The following OPRD1 variants were observed in gnomAD, a reference collection of about 807,000 sequenced individuals.
OPRD1 encodes opioid receptor delta 1.
In OPRD1, 19 loss-of-function variants were observed where a neutral mutation model predicts 17.5. The ratio of observed to expected loss-of-function variants is 1.09; its 90% CI spans 0.76 to 1.60. The LOEUF is 1.60. Ranked by LOEUF, OPRD1 falls within the 40% of genes most tolerant of loss-of-function variation. OPRD1 has a pLI of 0.00. For synonymous variants in OPRD1, 256 were observed against 240.9 expected (o/e 1.06, Z -0.58); for missense variants, 483 against 547.2 (o/e 0.88, Z 1.17).
intron 1 of OPRD1, among the ~76,000 whole-genome samples, chr1:28,846,805 A>G (rs1026769513): frequency 1.4e-5 from 2 of 148,020 alleles, no homozygotes; most frequent in East Asian, 4.1e-4. Flanking sequence ...GTTGTATCAC[A>G]TGGAGGCTGT....
chr1:28,870,798 G>A lies in OPRD1; in HGVS notation c.*7515G>A, dbSNP rs932553397. ...CTGCGTCATGGGGATGGAGTCCCTT[G>A]GCGTGTGCCGGTGCAAATACACTCC... On this transcript the variant is annotated 3_prime_UTR_variant, in exon 3 of 3. Transcript: ENST00000234961. 2.0e-5 allele frequency: 3 copies of A among 152,262 alleles called. No individual in the cohort carries two copies. Among genetic ancestry groups the A allele is most frequent in the African/African-American group, 7.2e-5 (3 of 41,464 alleles). 9.4% of individuals were successfully genotyped at this position (152,262 alleles called of 1,614,324 possible). A position where few individuals can be genotyped will look rare whatever the true frequency, so the allele number is the denominator to read the frequency against.
intron 2 of OPRD1, among the ~76,000 whole-genome samples, chr1:28,861,186 C>T (rs761136844): frequency 1.4e-4 from 22 of 152,264 alleles, no homozygotes; most frequent in Non-Finnish European, 2.1e-4. Flanking sequence ...GGATCCCCAG[C>T]CCCTTCTCAC....
intron 1 of OPRD1, among the ~76,000 whole-genome samples, chr1:28,816,706 G>A (rs1286005358): frequency 6.6e-6 from 1 of 152,050 alleles, no homozygotes; most frequent in East Asian, 1.9e-4. Context: ...TGTGGGATTG[G>A]CCAGCACGAT....
intron 1 of OPRD1, among the ~76,000 whole-genome samples, chr1:28,820,638 C>A (rs1489354415): frequency 6.6e-6 from 1 of 151,990 alleles, no homozygotes; most frequent in Non-Finnish European, 1.5e-5. Flanking sequence ...CCAGCCCGAA[C>A]AATATGGCAA....
At chr1:28,846,851 TTTCTTTCTTTC>T (rs2088953258) in intron 1 of OPRD1, among the ~76,000 whole-genome samples, 4 of 39,482 alleles carry the variant, frequency 1.0e-4, no homozygotes, top group African/African-American at 3.6e-4. Flanking sequence ...CTTTCTTTTC[TTTCTTTCTTTC>T]TTTCTTTCTT....
intron 1 of OPRD1, among the ~76,000 whole-genome samples, chr1:28,817,026 G>A (rs1569600013): frequency 6.6e-6 from 1 of 152,054 alleles, no homozygotes; most frequent in African/African-American, 2.4e-5. Flanking sequence ...TCTGCGCCCC[G>A]AGCTAGGTTT....
chr1:28,838,127 A>G (rs2088868685), intron 1 of OPRD1, among the ~76,000 whole-genome samples: 1 of 152,196 alleles, frequency 6.6e-6, no homozygotes, highest in South Asian at 2.1e-4. Context: ...CTGAGTCCAC[A>G]TAGCTGCTGA....
At chr1:28,862,381 T>C (rs1430887243) in intron 2 of OPRD1, among the ~76,000 whole-genome samples, 4 of 152,128 alleles carry the variant, frequency 2.6e-5, no homozygotes, top group Non-Finnish European at 4.4e-5. Context: ...CTGTCCCCAA[T>C]GGAGCTAGTT....
In OPRD1 at chr1:28,822,012, C is replaced by T. The variant is rs541352095; in HGVS notation, c.227+9402C>T. ...TGTTGCCCAGGCTGGAGTGCAATGG[C>T]GCAATCTCGGCTCACCACAACCTCC... On this transcript the variant is annotated intron_variant, in intron 1 of 2. Coordinates refer to ENST00000234961, the MANE Select transcript of OPRD1 (RefSeq NM_000911.4). Among the ~76,000 whole-genome samples the T allele has an allele frequency of 5.2e-4, 78 of 150,650 alleles. 1 individual carries two copies. The highest frequency in any genetic ancestry group is 1.8e-3 in the African/African-American group (75 of 40,926).
chr1:28,843,964 T>TAC (rs2124277471), intron 1 of OPRD1, among the ~76,000 whole-genome samples: 1 of 152,286 alleles, frequency 6.6e-6, no homozygotes, highest in South Asian at 2.1e-4. Context: ...AACATGGGTA[T>TAC]ACACACAGCT....
At chr1:28,813,745 T>G (rs1276181393) in intron 1 of OPRD1, among the ~76,000 whole-genome samples, 1 of 152,102 alleles carries the variant, frequency 6.6e-6, no homozygotes, top group Non-Finnish European at 1.5e-5. Flanking sequence ...GCCCTAAACC[T>G]CTCTGGGCTG....
intron 1 of OPRD1, among the ~76,000 whole-genome samples, chr1:28,852,164 T>TAA (rs71030305): frequency 0.024 from 2,047 of 86,704 alleles, 19 homozygotes; most frequent in Non-Finnish European, 0.036. Context: ...AAACTCCATG[T>TAA]AAAAAAAAAA....
rs2089190001 is a variant in OPRD1, at chr1:28,868,063, CAGG to C, written c.*4787_*4789del. On this transcript the variant is annotated 3_prime_UTR_variant, in exon 3 of 3. Transcript: ENST00000234961. The stretch of plus-strand genomic sequence containing the variant: ...GGAAACTGGAGGAGGAGGGCGTTCC[CAGG>C]AGGAGGGAGTGATGGATAATGTCAA... The C allele has an allele frequency of 6.6e-6, 1 of 152,392 alleles. No individual in the cohort carries two copies. Among genetic ancestry groups the C allele is most frequent in the Non-Finnish European group, 1.5e-5 (1 of 68,132 alleles). 9.4% of individuals were successfully genotyped at this position (152,392 alleles called of 1,614,324 possible). A position where few individuals can be genotyped will look rare whatever the true frequency, so the allele number is the denominator to read the frequency against.
chr1:28,845,080 C>T (rs911766506), intron 1 of OPRD1, among the ~76,000 whole-genome samples: 16 of 151,830 alleles, frequency 1.1e-4, no homozygotes, highest in African/African-American at 3.1e-4. Flanking sequence ...CATGGTGGCT[C>T]ATGCCTGTAA....
chr1:28,841,384 TG>T (rs2088895103), intron 1 of OPRD1, among the ~76,000 whole-genome samples: 1 of 152,222 alleles, frequency 6.6e-6, no homozygotes, highest in Admixed American at 6.5e-5. Context: ...GCAAGGAGGC[TG>T]GGGGAAAGCG....
chr1:28,839,357 G>T (rs2088877821), intron 1 of OPRD1, among the ~76,000 whole-genome samples: 1 of 152,172 alleles, frequency 6.6e-6, no homozygotes, highest in African/African-American at 2.4e-5. Context: ...TGGAGTTAGA[G>T]TCCCCCTCAA....
intron 1 of OPRD1, among the ~76,000 whole-genome samples, chr1:28,835,524 G>T (rs1557572614): frequency 6.6e-6 from 1 of 152,232 alleles, no homozygotes; most frequent in Non-Finnish European, 1.5e-5. Flanking sequence ...CTCGTTAAGT[G>T]GTGGGCAGGG....
chr1:28,838,708 C>T (rs2088873240), intron 1 of OPRD1, among the ~76,000 whole-genome samples: 1 of 152,114 alleles, frequency 6.6e-6, no homozygotes, highest in Non-Finnish European at 1.5e-5. Context: ...ACATGGCAGG[C>T]ATTACCTCAT....
intron 1 of OPRD1, among the ~76,000 whole-genome samples, chr1:28,816,249 G>C (rs1054264316): frequency 5.3e-5 from 8 of 152,178 alleles, no homozygotes; most frequent in Non-Finnish European, 4.4e-5. Flanking sequence ...ATAAACTGAA[G>C]TTTGTAGCTG....
Sources: allele counts gnomAD v4.1 joint callset (sites outside exome capture counted in the v4.1 genomes callset), GRCh38; gene constraint gnomAD v4.1.1; transcripts MANE v1.5; gene names NCBI Gene and HGNC (gene_info 2026-07-23, HGNC 2026-07-21).